Variants in SPECC1 observed in about 807,000 individuals in gnomAD.
SPECC1 encodes cytospin-B.
In SPECC1, 62 loss-of-function variants were observed where a neutral mutation model predicts 104.1. That is an observed-to-expected ratio of 0.60 (90% CI 0.49 to 0.74). SPECC1 has a LOEUF of 0.74. Among genes scored for constraint, SPECC1 ranks in the 30% least tolerant of loss-of-function variants. The pLI is 0.00. For missense variants in SPECC1, 1,306 were observed against 1,310.5 expected (o/e 1.00, Z 0.05); for synonymous variants, 513 against 501.6 (o/e 1.02, Z -0.30).
At chr17:20,154,602 C>G (rs2032297294) in intron 3 of SPECC1, among the ~76,000 whole-genome samples, 1 of 152,188 alleles carries the variant, frequency 6.6e-6, no homozygotes. Context: ...AGGGCTTTGA[C>G]TTTCCCTCCA....
intron 11 of SPECC1, among the ~76,000 whole-genome samples, chr17:20,258,606 C>A: frequency 6.6e-6 from 1 of 152,246 alleles, no homozygotes; most frequent in East Asian, 1.9e-4. Context: ...ACCCACCTGC[C>A]AGAATGGCCC....
At chr17:20,286,607 C>T (rs917774939) in intron 12 of SPECC1, among the ~76,000 whole-genome samples, 10 of 152,184 alleles carry the variant, frequency 6.6e-5, no homozygotes, top group Admixed American at 1.3e-4. Flanking sequence ...TCAGCTTGCT[C>T]CCTGGGGTGC....
At position 20,248,478 on chromosome 17, in the gene SPECC1, A is replaced by G. The variant is rs181278455; in HGVS notation, c.2598+1159A>G. On this transcript the variant is annotated intron_variant, in intron 9 of 14. Coordinates refer to ENST00000395527, the MANE Select transcript of SPECC1 (RefSeq NM_001243439.2). ...GGAAATGTATTTGACCTGTTCCAGC[A>G]TGTCGAAAAACTTGATAGACACATT... Among the ~76,000 whole-genome samples, 181 of 152,344 alleles carry G rather than the reference A, an allele frequency of 1.2e-3. 1 individual carries two copies. Among genetic ancestry groups the G allele is most frequent in the African/African-American group, 3.8e-3 (160 of 41,584 alleles).
At chr17:20,015,584 ATTT>A (rs1222758913) in intron 1 of SPECC1, among the ~76,000 whole-genome samples, 5 of 102,072 alleles carry the variant, frequency 4.9e-5, no homozygotes, top group South Asian at 3.3e-4. Context: ...CCGGGTCTCT[ATTT>A]TTTTTTTTTT....
chr17:20,273,548 C>T (rs373178298), intron 12 of SPECC1, among the ~76,000 whole-genome samples: 1 of 151,998 alleles, frequency 6.6e-6, no homozygotes, highest in Admixed American at 6.6e-5. Flanking sequence ...CCCTTGTTTT[C>T]ACTGCATCAC....
At chr17:20,291,834 G>A (rs546045734) in intron 12 of SPECC1, among the ~76,000 whole-genome samples, 119 of 151,778 alleles carry the variant, frequency 7.8e-4, no homozygotes, top group Middle Eastern at 3.4e-3. Context: ...GTGAGCTACC[G>A]CACCCAGCCA....
intron 9 of SPECC1, among the ~76,000 whole-genome samples, 193 bp from the exon 10 acceptor site, chr17:20,253,312 T>C (rs1321086154): frequency 6.6e-6 from 1 of 152,200 alleles, no homozygotes; most frequent in African/African-American, 2.4e-5. Context: ...ATTTGCCCTT[T>C]TCATTGCTTT....
intron 3 of SPECC1, chr17:20,112,558 C>T (rs2048545727): frequency 1.3e-6 from 1 of 792,338 alleles, no homozygotes; most frequent in South Asian, 1.3e-5. Context: ...CCAGTTTAAG[C>T]CGCTGCAGTC....
At chr17:20,115,779 A>G (rs967026185) in intron 3 of SPECC1, among the ~76,000 whole-genome samples, 2 of 152,230 alleles carry the variant, frequency 1.3e-5, no homozygotes, top group Non-Finnish European at 2.9e-5. Flanking sequence ...AATGATGTGT[A>G]TGTGTCACAA....
intron 12 of SPECC1, among the ~76,000 whole-genome samples, chr17:20,266,132 G>A (rs551670733): frequency 3.6e-4 from 55 of 152,296 alleles, no homozygotes; most frequent in South Asian, 1.0e-3. Context: ...TAGTTTGATA[G>A]GAATACCATT....
At chr17:20,194,502 A>ATTATTATTTT in intron 3 of SPECC1, among the ~76,000 whole-genome samples, 20 of 86,534 alleles carry the variant, frequency 2.3e-4, no homozygotes, top group African/African-American at 3.7e-4. Context: ...AAGAGAACGA[A>ATTATTATTTT]TTTTTTTTTT....
chr17:20,136,317 C>T (rs965990562), intron 3 of SPECC1, among the ~76,000 whole-genome samples: 1 of 151,648 alleles, frequency 6.6e-6, no homozygotes, highest in African/African-American at 2.4e-5. Context: ...CCCAGCTACT[C>T]AGGAGGTTGA....
intron 1 of SPECC1, among the ~76,000 whole-genome samples, chr17:20,083,762 G>A (rs564523284): frequency 7.5e-4 from 114 of 152,316 alleles, no homozygotes; most frequent in African/African-American, 2.7e-3. Flanking sequence ...ATACTGAAGA[G>A]TGGGATTAAT....
rs745935104 is a variant in SPECC1, at chr17:20,180,280, T to C, written c.284-24053T>C. Among the ~76,000 whole-genome samples, 3 of 152,138 alleles carry C rather than the reference T, an allele frequency of 2.0e-5. No homozygotes were observed. The South Asian group carries it at 6.2e-4, about 32-fold the overall frequency. Reference sequence around the variant, plus strand: ...ATCAAGTGGAAACAGTAAAGCCAAATGAGCAGCCCCACAGTAAATACTCAT... The same window carrying C: ...ATCAAGTGGAAACAGTAAAGCCAAACGAGCAGCCCCACAGTAAATACTCAT... On this transcript the variant is annotated intron_variant, in intron 3 of 14. Transcript: ENST00000395527.
chr17:20,195,480 G>A (rs1015866599), intron 3 of SPECC1, among the ~76,000 whole-genome samples: 4 of 152,018 alleles, frequency 2.6e-5, no homozygotes, highest in Non-Finnish European at 4.4e-5. Context: ...TTTCACATTC[G>A]ATTATGCTTC....
At chr17:20,111,093 A>G (rs530349001) in intron 3 of SPECC1, among the ~76,000 whole-genome samples, 3 of 152,194 alleles carry the variant, frequency 2.0e-5, no homozygotes, top group Non-Finnish European at 4.4e-5. Context: ...AGGGTTTTTC[A>G]ATCATTATAT....
At chr17:20,281,567 G>A (rs756238815) in intron 12 of SPECC1, among the ~76,000 whole-genome samples, 32 of 152,220 alleles carry the variant, frequency 2.1e-4, no homozygotes, top group Admixed American at 7.9e-4. Flanking sequence ...AGTGAGTTGT[G>A]CAGATGGCTC....
At chr17:20,216,099 A>C (rs1275082883) in intron 4 of SPECC1, among the ~76,000 whole-genome samples, 1 of 152,236 alleles carries the variant, frequency 6.6e-6, no homozygotes, top group African/African-American at 2.4e-5. Context: ...AAATTAAATC[A>C]CTTGAAAAGA....
intron 13 of SPECC1, among the ~76,000 whole-genome samples, chr17:20,300,951 C>CTCT (rs2142082753): frequency 6.6e-6 from 1 of 152,280 alleles, no homozygotes; most frequent in Admixed American, 6.5e-5. Flanking sequence ...TGTCCCAGAG[C>CTCT]CTAGGATTTT....
Sources: allele counts gnomAD v4.1 joint callset (sites outside exome capture counted in the v4.1 genomes callset), GRCh38; gene constraint gnomAD v4.1.1; transcripts MANE v1.5; gene names NCBI Gene and HGNC (gene_info 2026-07-23, HGNC 2026-07-21).